Variants in CEP112 observed in about 807,000 individuals in gnomAD.
CEP112 encodes centrosomal protein 112.
A neutral mutation model predicts 153.0 loss-of-function variants in CEP112; 127 were observed. That is an observed-to-expected ratio of 0.83 (90% CI 0.72 to 0.96). CEP112 has a LOEUF of 0.96. CEP112 is among the 40% of genes least tolerant of loss of function. The pLI is 0.00. For synonymous variants in CEP112, 358 were observed against 374.4 expected (o/e 0.96, Z 0.51); for missense variants, 1,089 against 1,101.2 (o/e 0.99, Z 0.16).
intron 20 of CEP112, among the ~76,000 whole-genome samples, chr17:65,859,551 T>C (rs2058237095): frequency 6.7e-6 from 1 of 149,672 alleles, no homozygotes; most frequent in Non-Finnish European, 1.5e-5. Flanking sequence ...AAAAGAGAAA[T>C]AGAAAAGATC....
rs551834749 is a variant in CEP112 at position 66,097,076 on chromosome 17, T to C, written c.643-444A>G. 4.5e-4 allele frequency among the ~76,000 whole-genome samples: 68 copies of C among 152,346 alleles called. No homozygotes were observed. In the South Asian group the frequency reaches 0.013, roughly 30 times the overall value. On this transcript the variant is annotated intron_variant, in intron 6 of 26. Coordinates refer to ENST00000535342, the MANE Select transcript of CEP112 (RefSeq NM_001199165.4). ...TGCACTCCCAGATGTATTTGGTACA[T>C]GAATTCTTAAACATACCTTTCTAAT...
intron 24 of CEP112, among the ~76,000 whole-genome samples, chr17:65,683,679 C>T (rs191899758): frequency 1.3e-4 from 20 of 152,270 alleles, no homozygotes; most frequent in South Asian, 8.3e-4. Context: ...TCAGGGAAGA[C>T]GGAAGGAAGG....
intron 18 of CEP112, among the ~76,000 whole-genome samples, chr17:65,932,893 C>T (rs943836745): frequency 6.6e-6 from 1 of 152,228 alleles, no homozygotes; most frequent in African/African-American, 2.4e-5. Context: ...CACAGATCTA[C>T]ACCGTATCAA....
At chr17:66,158,704 G>A (rs4563069) in intron 4 of CEP112, among the ~76,000 whole-genome samples, 23,660 of 152,172 alleles carry the variant, frequency 0.16, 3,127 homozygotes, top group East Asian at 0.73. Flanking sequence ...CTAAAGCAGC[G>A]TTTAGAGGGA....
At chr17:66,142,371 C>T in intron 4 of CEP112, among the ~76,000 whole-genome samples, 1 of 152,126 alleles carries the variant, frequency 6.6e-6, no homozygotes. Flanking sequence ...TCCCATTTGT[C>T]TATCTTTGCT....
chr17:65,719,626 G>A (rs1355209013), intron 23 of CEP112, among the ~76,000 whole-genome samples: 1 of 152,076 alleles, frequency 6.6e-6, no homozygotes, highest in Non-Finnish European at 1.5e-5. Flanking sequence ...GGCTGGAATG[G>A]TCCAGGAAAT....
chr17:65,814,574 G>A (rs751483837), intron 21 of CEP112, among the ~76,000 whole-genome samples: 10 of 152,160 alleles, frequency 6.6e-5, no homozygotes, highest in African/African-American at 9.7e-5. Flanking sequence ...TGTATTATTA[G>A]TAAGGATAAT....
rs74946290 is a variant in CEP112, at chr17:65,831,052, T to A, written c.2394+20752A>T. ...CAACAGGCCAGCATTTAACTTCTGA[T>A]GCTAAGTAGTAAAGGTCTGATACCA... On this transcript the variant is annotated intron_variant, in intron 21 of 26. Coordinates refer to ENST00000535342, the MANE Select transcript of CEP112 (RefSeq NM_001199165.4). Among the ~76,000 whole-genome samples, 1,141 of 152,324 alleles carry A rather than the reference T, an allele frequency of 7.5e-3. 13 individuals carry two copies. The highest frequency in any genetic ancestry group is 0.026 in the African/African-American group (1,085 of 41,576).
intron 23 of CEP112, among the ~76,000 whole-genome samples, chr17:65,709,892 C>G (rs1253629825): frequency 7.9e-5 from 12 of 152,176 alleles, no homozygotes; most frequent in Admixed American, 7.9e-4. Flanking sequence ...CCAAAACAAA[C>G]CTGACTGAGA....
intron 24 of CEP112, among the ~76,000 whole-genome samples, chr17:65,641,608 T>G (rs988031116): frequency 1.2e-4 from 19 of 152,090 alleles, no homozygotes; most frequent in African/African-American, 4.3e-4. Flanking sequence ...TAGCTGGGCA[T>G]GGTGGTGCAC....
At chr17:65,666,843 A>G (rs1044022906) in intron 24 of CEP112, among the ~76,000 whole-genome samples, 2 of 152,032 alleles carry the variant, frequency 1.3e-5, no homozygotes, top group African/African-American at 4.8e-5. Flanking sequence ...ATACTCTGGC[A>G]AGGCATACTC....
At chr17:65,789,862 A>T (rs1318790656) in intron 21 of CEP112, among the ~76,000 whole-genome samples, 1 of 152,218 alleles carries the variant, frequency 6.6e-6, no homozygotes, top group Non-Finnish European at 1.5e-5. Context: ...TGTTAACTCC[A>T]AGCATCTAGC....
At chr17:66,010,488 C>G (rs4791098) in intron 16 of CEP112, among the ~76,000 whole-genome samples, 151,929 of 152,258 alleles carry the variant, frequency 1, 75,802 homozygotes, top group Non-Finnish European at 1. Flanking sequence ...AGGTTTTCCA[C>G]TACTATGTTA....
At chr17:65,693,925 A>G (rs2048241546) in intron 23 of CEP112, among the ~76,000 whole-genome samples, 1 of 152,054 alleles carries the variant, frequency 6.6e-6, no homozygotes, top group African/African-American at 2.4e-5. Context: ...GTGTCAACGA[A>G]CTAGGAATCA....
At chr17:65,921,109 C>T (rs1285171630) in intron 19 of CEP112, among the ~76,000 whole-genome samples, 1 of 151,950 alleles carries the variant, frequency 6.6e-6, no homozygotes, top group Non-Finnish European at 1.5e-5. Context: ...AGAGATGGCC[C>T]TTTGAACTAT....
At chr17:65,696,274 A>C (rs2048349687) in intron 23 of CEP112, among the ~76,000 whole-genome samples, 1 of 152,178 alleles carries the variant, frequency 6.6e-6, no homozygotes, top group African/African-American at 2.4e-5. Context: ...GCCTTTTCAC[A>C]AATCATCATG....
chr17:65,752,888 A>G (rs2051976033), intron 21 of CEP112, among the ~76,000 whole-genome samples: 1 of 152,210 alleles, frequency 6.6e-6, no homozygotes, highest in Non-Finnish European at 1.5e-5. Flanking sequence ...GAAAAAATAT[A>G]TAGTATAAAA....
intron 20 of CEP112, among the ~76,000 whole-genome samples, chr17:65,888,924 GC>G (rs1293146186): frequency 1.3e-5 from 2 of 152,182 alleles, no homozygotes; most frequent in African/African-American, 4.8e-5. Flanking sequence ...TCTTAGATAG[GC>G]CCAGGCAAAA....
Position 65,999,869 on chromosome 17 carries a change from C to T in CEP112, c.1736+5821G>A, listed in dbSNP as rs1414291007. Among the ~76,000 whole-genome samples the T allele has an allele frequency of 1.3e-5, 2 of 152,116 alleles. 1 individual carries two copies. The highest frequency in any genetic ancestry group is 3.9e-4 in the East Asian group (2 of 5,194). ...GTTTGCTAAGGAGAATGGCCTCCAG[C>T]TCTAGTCATGTTCCTGCAAAGGACA... On this transcript the variant is annotated intron_variant, in intron 17 of 26. Transcript: ENST00000535342.
Sources: gnomAD v4.1 joint callset for allele counts (sites outside exome capture counted in the v4.1 genomes callset) on GRCh38, gnomAD v4.1.1 for gene constraint, MANE v1.5 for transcripts, NCBI Gene and HGNC (gene_info 2026-07-23, HGNC 2026-07-21) for gene names.